ZBTB46: variants seen among roughly 807,000 people sequenced by gnomAD.
ZBTB46 encodes zinc finger and BTB domain-containing protein 46.
ZBTB46 carries 8 observed loss-of-function variants against 44.1 expected under a neutral mutation model. The observed-to-expected ratio is 0.18, with a 90% CI of 0.11 to 0.33. The LOEUF (loss-of-function observed/expected upper bound fraction) is 0.33. Among genes scored for constraint, ZBTB46 ranks in the 10% least tolerant of loss-of-function variants. ZBTB46 has a pLI of 1.00. For synonymous variants in ZBTB46, 409 were observed against 382.3 expected (o/e 1.07, Z -0.81); for missense variants, 651 against 847.7 (o/e 0.77, Z 2.88).
intron 1 of ZBTB46, among the ~76,000 whole-genome samples, chr20:63,811,665 G>T (rs1036868087): frequency 6.6e-6 from 1 of 152,118 alleles, no homozygotes. Context: ...GCTGGGCGAC[G>T]GGCCAGCCGG....
At chr20:63,774,823 T>C (rs6122167) in intron 3 of ZBTB46, among the ~76,000 whole-genome samples, 82,221 of 150,268 alleles carry the variant, frequency 0.55, 22,756 homozygotes, top group Admixed American at 0.62. Flanking sequence ...CCTGCCTCAG[T>C]CTCCCGAGTA....
intron 3 of ZBTB46, among the ~76,000 whole-genome samples, chr20:63,763,952 G>T (rs1032814159): frequency 1.3e-5 from 2 of 151,908 alleles, no homozygotes; most frequent in Non-Finnish European, 2.9e-5. Context: ...GCCTTATCTG[G>T]TGCTTTCTTT....
At chr20:63,791,495 C>T (rs1487976793) in intron 1 of ZBTB46, among the ~76,000 whole-genome samples, 3 of 61,230 alleles carry the variant, frequency 4.9e-5, no homozygotes, top group Non-Finnish European at 9.3e-5. Context: ...GACTCCATCT[C>T]AAAAAAAAAA....
At chr20:63,762,259 C>T (rs2092283569) in intron 3 of ZBTB46, among the ~76,000 whole-genome samples, 1 of 152,172 alleles carries the variant, frequency 6.6e-6, no homozygotes, top group African/African-American at 2.4e-5. Flanking sequence ...ATTTTGTTTG[C>T]TGTTCTATCA....
chr20:63,828,498 AT>A (rs530433641), intron 1 of ZBTB46, among the ~76,000 whole-genome samples: 36 of 149,524 alleles, frequency 2.4e-4, no homozygotes, highest in Admixed American at 4.7e-4. Flanking sequence ...TTCAAAGGGT[AT>A]TTTTTTTTTT....
At chr20:63,824,056 G>A (rs2092807349) in intron 1 of ZBTB46, among the ~76,000 whole-genome samples, 1 of 152,170 alleles carries the variant, frequency 6.6e-6, no homozygotes, top group African/African-American at 2.4e-5. Flanking sequence ...CAGAGGCTCA[G>A]GGCAGGGTCG....
chr20:63,824,033 C>T (rs998057969), intron 1 of ZBTB46, among the ~76,000 whole-genome samples: 1 of 152,134 alleles, frequency 6.6e-6, no homozygotes, highest in Non-Finnish European at 1.5e-5. Flanking sequence ...CGAATCAAGG[C>T]TTCTTTAGAG....
intron 3 of ZBTB46, among the ~76,000 whole-genome samples, chr20:63,757,574 C>A (rs1049734078): frequency 8.5e-5 from 13 of 152,184 alleles, no homozygotes; most frequent in Non-Finnish European, 1.9e-4. Context: ...CACAGCGTCT[C>A]CACGACGGCA....
chr20:63,770,175 G>A (rs762900016), intron 3 of ZBTB46, among the ~76,000 whole-genome samples: 9 of 152,342 alleles, frequency 5.9e-5, no homozygotes, highest in South Asian at 4.1e-4. Context: ...GGCCGGCGGC[G>A]CATCCTCGGC....
intron 3 of ZBTB46, among the ~76,000 whole-genome samples, chr20:63,763,315 G>T (rs1015469726): frequency 6.6e-6 from 1 of 151,794 alleles, no homozygotes; most frequent in Non-Finnish European, 1.5e-5. Flanking sequence ...AATTAATCAC[G>T]TATTGTATCG....
intron 4 of ZBTB46, among the ~76,000 whole-genome samples, chr20:63,751,945 C>G (rs1016873030): frequency 6.6e-6 from 1 of 152,162 alleles, no homozygotes. Context: ...GGCAGCGATG[C>G]TCCAGAGCCT....
At chr20:63,765,514 G>A (rs987302716) in intron 3 of ZBTB46, among the ~76,000 whole-genome samples, 17 of 152,282 alleles carry the variant, frequency 1.1e-4, no homozygotes, top group East Asian at 5.8e-4. Context: ...CTGCAGCCTC[G>A]ACCTGCTGTG....
chr20:63,830,966 T>G (rs1429894227), intron 1 of ZBTB46, 131 bp downstream of exon 1: 25 of 133,508 alleles, frequency 1.9e-4, no homozygotes, highest in African/African-American at 3.0e-4. Context: ...GGGCGGGGCG[T>G]GGCGGGGCGG....
chr20:63,799,245 G>C (rs939993776), intron 1 of ZBTB46, among the ~76,000 whole-genome samples: 4 of 151,046 alleles, frequency 2.6e-5, no homozygotes, highest in Admixed American at 6.6e-5. Flanking sequence ...TCACCATGTT[G>C]CTCAGGCTGG....
At chr20:63,777,287 C>T in intron 2 of ZBTB46, among the ~76,000 whole-genome samples, 1 of 152,080 alleles carries the variant, frequency 6.6e-6, no homozygotes, top group East Asian at 1.9e-4. Context: ...CTGGGCAACA[C>T]AGCAGGACAA....
At chr20:63,751,411 A>C (rs2092160654) in intron 4 of ZBTB46, among the ~76,000 whole-genome samples, 1 of 152,054 alleles carries the variant, frequency 6.6e-6, no homozygotes, top group Admixed American at 6.5e-5. Flanking sequence ...ACTCCAGCAC[A>C]CATCCCAGGC....
intron 3 of ZBTB46, among the ~76,000 whole-genome samples, chr20:63,755,661 T>C (rs563756721): frequency 7.3e-4 from 111 of 152,320 alleles, no homozygotes; most frequent in African/African-American, 2.6e-3. Flanking sequence ...ACTGTGATCA[T>C]TGAGGGAATT....
intron 1 of ZBTB46, among the ~76,000 whole-genome samples, chr20:63,819,780 G>A (rs193122769): frequency 4.6e-5 from 7 of 152,264 alleles, no homozygotes; most frequent in Admixed American, 4.6e-4. Context: ...CCGCCAACAA[G>A]TAAGAAAAGC....
intron 1 of ZBTB46, among the ~76,000 whole-genome samples, chr20:63,816,043 T>G: frequency 6.8e-6 from 1 of 146,452 alleles, no homozygotes; most frequent in African/African-American, 2.6e-5. Context: ...ACAGGTGCGG[T>G]GGGTGCAGGT....
Sources: gnomAD v4.1 joint callset for allele counts (sites outside exome capture counted in the v4.1 genomes callset) on GRCh38, gnomAD v4.1.1 for gene constraint, MANE v1.5 for transcripts, NCBI Gene and HGNC (gene_info 2026-07-23, HGNC 2026-07-21) for gene names.